SH3TC2: variants seen among roughly 807,000 people sequenced by gnomAD.
SH3TC2 encodes SH3 domain and tetratricopeptide repeats 2.
A neutral mutation model predicts 124.5 loss-of-function variants in SH3TC2; 87 were observed. The observed-to-expected ratio is 0.70, with a 90% confidence interval of 0.59 to 0.84. The LOEUF (loss-of-function observed/expected upper bound fraction) is 0.84. Among genes scored for constraint, SH3TC2 ranks in the 40% least tolerant of loss-of-function variants. The pLI is 0.00. For synonymous variants in SH3TC2, 634 were observed against 628.5 expected, an observed-to-expected ratio of 1.01 and a Z score of -0.13; for missense variants, 1,536 against 1,566.4, an observed-to-expected ratio of 0.98 and a Z score of 0.33.
chr5:149,041,838 C>T (rs1754376891), intron 5 of SH3TC2, among the ~76,000 whole-genome samples: 1 of 152,108 alleles, frequency 6.6e-6, no homozygotes, highest in Non-Finnish European at 1.5e-5. Context: ...AAAACAGACA[C>T]CAACATTTCT....
intron 12 of SH3TC2, among the ~76,000 whole-genome samples, chr5:149,014,381 T>A (rs1429728818): frequency 1.3e-5 from 2 of 152,172 alleles, no homozygotes; most frequent in African/African-American, 4.8e-5. Flanking sequence ...ATCAATCACA[T>A]CTATGGACAC....
chr5:149,061,547 A>G (rs1754747680), intron 1 of SH3TC2, among the ~76,000 whole-genome samples: 1 of 152,246 alleles, frequency 6.6e-6, no homozygotes, highest in African/African-American at 2.4e-5. Context: ...CCACAGCTCT[A>G]TGAAGAAGAC....
At chr5:149,008,775 G>A (rs1158975506) in intron 15 of SH3TC2, 76 bp downstream of exon 15, 30 of 1,592,246 alleles carry the variant, frequency 1.9e-5, no homozygotes, top group Non-Finnish European at 2.2e-5. Flanking sequence ...CAGGGCCTGC[G>A]GTGTTATTGC....
At position 149,044,618 on chromosome 5, in the gene SH3TC2, G is replaced by T. The variant is rs750101603; in HGVS notation, c.300C>A (p.Val100=). The T allele has an allele frequency of 6.2e-7, 1 of 1,613,988 alleles. No individual in the cohort carries two copies. Among genetic ancestry groups the T allele is most frequent in the Non-Finnish European group, 8.5e-7 (1 of 1,179,934 alleles). Residue 100 remains valine (V), a synonymous_variant, in exon 4 of 17, where the codon GTC becomes GTA. Transcript: ENST00000515425. ...ACTGGGCCCTCTGAGACTGGATACT[G>T]ACCAACCTTGCTGAGAGGTCCTACG... is the stretch of plus-strand genomic sequence containing the variant. ...MLFKDLSARL[V]SIQSQRAQFL...
intron 1 of SH3TC2, chr5:149,057,740 G>T (rs1754676171): frequency 1.3e-5 from 2 of 152,196 alleles, no homozygotes. Context: ...CTAAGAACAA[G>T]TGGCAATCAG....
At chr5:149,015,552 A>T (rs1753856838) in intron 12 of SH3TC2, among the ~76,000 whole-genome samples, 1 of 152,128 alleles carries the variant, frequency 6.6e-6, no homozygotes, top group African/African-American at 2.4e-5. Context: ...CCGGCATGTT[A>T]TCTCCTGTCC....
In SH3TC2 at chr5:148,984,561, G is replaced by A. The variant is rs970819306; in HGVS notation, c.*20150C>T. ...AAATTGAGCATTCCTTGACTAAGTC[G>A]AAACCCCTGACTCAGTCTTCTGCCT... On this transcript the variant is annotated 3_prime_UTR_variant, in exon 17 of 17. Coordinates refer to ENST00000515425, the MANE Select transcript of SH3TC2 (RefSeq NM_024577.4). Among the ~76,000 whole-genome samples the A allele has an allele frequency of 1.3e-5, 2 of 152,044 alleles. No homozygotes were observed. The highest frequency in any genetic ancestry group is 6.6e-5 in the Admixed American group (1 of 15,250).
chr5:149,019,293 G>T (rs1313169765), intron 12 of SH3TC2, among the ~76,000 whole-genome samples: 6 of 151,972 alleles, frequency 3.9e-5, no homozygotes, highest in Non-Finnish European at 8.8e-5. Flanking sequence ...CTTTGTTCTT[G>T]TATTTTTTTT....
At chr5:149,062,041 A>T (rs1754760250) in intron 1 of SH3TC2, among the ~76,000 whole-genome samples, 1 of 152,086 alleles carries the variant, frequency 6.6e-6, no homozygotes, top group Admixed American at 6.6e-5. Flanking sequence ...AAGACTAAAG[A>T]AGAAAGTTGT....
In SH3TC2 at chr5:149,003,679, C is replaced by A. The variant is rs970690410; in HGVS notation, c.*1032G>T. The A allele has an allele frequency of 2.7e-6, 1 of 370,858 alleles. No individual in the cohort carries two copies. The highest frequency in any genetic ancestry group is 5.4e-6 in the Non-Finnish European group (1 of 185,558). 23.0% of individuals were successfully genotyped at this position (370,858 alleles called of 1,614,324 possible). Reference sequence around the variant, plus strand: ...TTAATAGAGATGCTTTGTAAAGCAGCTGCCCTGAAATCAATAAGATGCCTT... The same window carrying A: ...TTAATAGAGATGCTTTGTAAAGCAGATGCCCTGAAATCAATAAGATGCCTT... On this transcript the variant is annotated 3_prime_UTR_variant, in exon 17 of 17. Transcript: ENST00000515425.
intron 1 of SH3TC2, among the ~76,000 whole-genome samples, chr5:149,060,872 T>C (rs1372849694): frequency 6.6e-6 from 1 of 152,158 alleles, no homozygotes. Context: ...AAAACTGAGG[T>C]TCAAAAAACA....
intron 6 of SH3TC2, 54 bp from the exon 7 acceptor site, chr5:149,040,731 T>C: frequency 1.4e-6 from 2 of 1,388,892 alleles, no homozygotes; most frequent in Non-Finnish European, 1.0e-6. Context: ...ATTGCAACAA[T>C]GAACAGAACA....
rs1051436688 is a variant in SH3TC2, at chr5:148,995,068, G to C, written c.*9643C>G. On this transcript the variant is annotated 3_prime_UTR_variant, in exon 17 of 17. Coordinates refer to ENST00000515425, the MANE Select transcript of SH3TC2 (RefSeq NM_024577.4). ...ACTGAAGGGATTTCCTGTGGTATTT[G>C]GTGCAATAAGGCTTATATAAGCCAA... 6.6e-6 allele frequency among the ~76,000 whole-genome samples: 1 copy of C among 152,098 alleles called. No homozygotes were observed. Among genetic ancestry groups the C allele is most frequent in the Non-Finnish European group, 1.5e-5 (1 of 68,010 alleles).
rs1161131130 is a variant in SH3TC2, at chr5:148,987,784, CCTCA to C, written c.*16923_*16926del. On this transcript the variant is annotated 3_prime_UTR_variant, in exon 17 of 17. Coordinates refer to ENST00000515425, the MANE Select transcript of SH3TC2 (RefSeq NM_024577.4). ...GCATGGGAAGCTCACCAAGTCATGT[CCTCA>C]CTCGAGGCCTCATTCAAAATCTGTG... Among the ~76,000 whole-genome samples, 1 of 150,140 alleles carries C rather than the reference CCTCA, an allele frequency of 6.7e-6. No homozygotes were observed. The highest frequency in any genetic ancestry group is 1.5e-5 in the Non-Finnish European group (1 of 67,752).
In SH3TC2 at chr5:149,000,419, G is replaced by T. The variant is rs1242327609; in HGVS notation, c.*4292C>A. On this transcript the variant is annotated 3_prime_UTR_variant, in exon 17 of 17. Coordinates refer to ENST00000515425, the MANE Select transcript of SH3TC2 (RefSeq NM_024577.4). ...CAGATAAGGCCTAGGCTGGGTGCTT[G>T]CAATGAGCAACAGGACCTAGCTTGA... Among the ~76,000 whole-genome samples the T allele has an allele frequency of 6.6e-6, 1 of 152,152 alleles. No homozygotes were observed. Among genetic ancestry groups the T allele is most frequent in the African/African-American group, 2.4e-5 (1 of 41,404 alleles).
Position 149,028,456 on chromosome 5 carries a change from T to C in SH3TC2, c.1276A>G (p.Ser426Gly), listed in dbSNP as rs762756884. ...SRQSSSSEDS[S>G]LEEELLSATS... ...GCCGAGAGGAGCTCCTCCTCCAGGC[T>C]GGAGTCCTCAGAGCTGCTGGACTGT... The change falls in exon 11 of 17, where the codon AGC becomes GGC. Residue 426 changes from serine (S) to glycine (G), a missense_variant. Physicochemically the swap from Ser to Gly is moderately conservative, Grantham distance 56 (BLOSUM62 0). This residue lies in a region of SH3TC2 where 1,102 missense variants were observed against 1,098.6 expected (regional missense o/e 1.00). Coordinates refer to ENST00000515425, the MANE Select transcript of SH3TC2 (RefSeq NM_024577.4). 2.5e-6 allele frequency: 4 copies of C among 1,612,976 alleles called. No homozygotes were observed. Among genetic ancestry groups the C allele is most frequent in the South Asian group, 1.1e-5 (1 of 91,012 alleles).
Position 149,027,459 on chromosome 5 carries a change from G to A in SH3TC2, c.2273C>T (p.Ala758Val). The A allele has an allele frequency of 6.2e-7, 1 of 1,614,188 alleles. No individual in the cohort carries two copies. Among genetic ancestry groups the A allele is most frequent in the Non-Finnish European group, 8.5e-7 (1 of 1,180,034 alleles). The change falls in exon 11 of 17, where the codon GCC becomes GTC. Residue 758 changes from alanine (A) to valine (V), a missense_variant. Transcript: ENST00000515425. Reference sequence around the variant, plus strand: ...CACTTTGGAAAGGATGAGACACAGGGCCCTCTGGGTGCTCCGGTCTGCTAG... The same window carrying A: ...CACTTTGGAAAGGATGAGACACAGGACCCTCTGGGTGCTCCGGTCTGCTAG... Reference protein sequence around the residue: ...EELADRSTQRALCLILSKVYL... With the variant: ...EELADRSTQRVLCLILSKVYL...
chr5:149,003,849 CAAAAAAAAAAA>C lies in SH3TC2; in HGVS notation c.*851_*861del, dbSNP rs5872107. ...CTGGGCAACAGAGGAGAAACTGTCT[CAAAAAAAAAAA>C]AAAAAAAAAAAGACATGTATTGGTA... On this transcript the variant is annotated 3_prime_UTR_variant, in exon 17 of 17. Transcript: ENST00000515425. 5 of 171,844 alleles carry C rather than the reference CAAAAAAAAAAA, an allele frequency of 2.9e-5. No individual in the cohort carries two copies. Among genetic ancestry groups the C allele is most frequent in the African/African-American group, 1.9e-4 (4 of 20,826 alleles). The allele number at this position is 171,844 out of a possible 1,614,324, so 10.6% of individuals were successfully genotyped here.
Position 148,996,426 on chromosome 5 carries a change from T to C in SH3TC2, c.*8285A>G, listed in dbSNP as rs1753510926. Among the ~76,000 whole-genome samples the C allele has an allele frequency of 6.6e-6, 1 of 152,154 alleles. No homozygotes were observed. Among genetic ancestry groups the C allele is most frequent in the African/African-American group, 2.4e-5 (1 of 41,448 alleles). ...AAATGAAAATCCTCCAAGTAATCTTTCTGTTTGCTATCCTTTCCCTCCACC... is the reference window on the plus strand; with the variant it reads ...AAATGAAAATCCTCCAAGTAATCTTCCTGTTTGCTATCCTTTCCCTCCACC... On this transcript the variant is annotated 3_prime_UTR_variant, in exon 17 of 17. Coordinates refer to ENST00000515425, the MANE Select transcript of SH3TC2 (RefSeq NM_024577.4).
Sources: allele counts gnomAD v4.1 joint callset (sites outside exome capture counted in the v4.1 genomes callset), GRCh38; gene constraint gnomAD v4.1.1; regional missense constraint gnomAD v4.1.1; transcripts MANE v1.5; gene names NCBI Gene and HGNC (gene_info 2026-07-23, HGNC 2026-07-21).